PTP4A2: variants seen among roughly 807,000 people sequenced by gnomAD.
PTP4A2 encodes protein tyrosine phosphatase type IVA 2.
PTP4A2 carries 2 observed loss-of-function variants against 22.9 expected under a neutral mutation model. The ratio of observed to expected loss-of-function variants is 0.09; its 90% CI spans 0.04 to 0.27. PTP4A2 has a LOEUF of 0.27. PTP4A2 is among the 10% of genes least tolerant of loss of function. PTP4A2 has a pLI of 1.00. For synonymous variants in PTP4A2, 68 were observed against 69.1 expected, an observed-to-expected ratio of 0.98 and a Z score of 0.08; for missense variants, 103 against 205.1, an observed-to-expected ratio of 0.50 and a Z score of 3.04.
At chr1:31,915,718 T>A in intron 3 of PTP4A2, 177 bp downstream of exon 3, 1 of 445,060 alleles carries the variant, frequency 2.2e-6, no homozygotes, top group Admixed American at 4.2e-5. Flanking sequence ...TTTTTAATTA[T>A]CTGTACAGAT....
At chr1:31,912,602 CA>C (rs3835519) in intron 3 of PTP4A2, among the ~76,000 whole-genome samples, 5,319 of 152,218 alleles carry the variant, frequency 0.035, 168 homozygotes, top group East Asian at 0.14. Context: ...CACTACTTAG[CA>C]AGAGGTCCTA....
intron 3 of PTP4A2, 22 bp downstream of exon 3, chr1:31,915,873 A>C: frequency 6.7e-7 from 1 of 1,494,648 alleles, no homozygotes. Context: ...TGTTTTGAAA[A>C]ATTTAAATAC....
chr1:31,928,720 AT>A (rs1454790602), intron 1 of PTP4A2, among the ~76,000 whole-genome samples: 24 of 150,562 alleles, frequency 1.6e-4, no homozygotes, highest in African/African-American at 5.6e-4. Flanking sequence ...AAAAAAAAAA[AT>A]TTCATAGTTA....
rs923269481 is a variant in PTP4A2 at position 31,916,046 on chromosome 1, T to C, written c.97-59A>G. 6.6e-6 allele frequency: 8 copies of C among 1,214,094 alleles called. No individual in the cohort carries two copies. The Admixed American group carries it at 9.4e-5, about 14-fold the overall frequency. The allele number at this position is 1,214,094 out of a possible 1,614,324, so 75.2% of individuals were successfully genotyped here. ...TTTTTGAAACCTACAGCCAAAAATG[T>C]AGAAATGTACTATTATAGGCCGGGC... On this transcript the variant is annotated intron_variant, in intron 2 of 5. Transcript: ENST00000647444.
intron 1 of PTP4A2, among the ~76,000 whole-genome samples, chr1:31,922,210 C>T (rs757008537): frequency 2.0e-5 from 3 of 152,180 alleles, no homozygotes; most frequent in Non-Finnish European, 2.9e-5. Flanking sequence ...GTTGGCCGGG[C>T]GTGATGGCTC....
chr1:31,909,234 T>C (rs1651402969), intron 5 of PTP4A2, among the ~76,000 whole-genome samples: 1 of 152,194 alleles, frequency 6.6e-6, no homozygotes, highest in Non-Finnish European at 1.5e-5. Context: ...TTTCTTTTTT[T>C]AAAGGAAGGG....
intron 1 of PTP4A2, among the ~76,000 whole-genome samples, chr1:31,929,834 A>C (rs1379066891): frequency 6.6e-6 from 1 of 152,236 alleles, no homozygotes; most frequent in Non-Finnish European, 1.5e-5. Context: ...AAAATCCAAA[A>C]GAACACCTGG....
chr1:31,908,821 C>T lies in PTP4A2; in HGVS notation c.*31G>A. 1 of 1,508,736 alleles carries T rather than the reference C, an allele frequency of 6.6e-7. No individual in the cohort carries two copies. The allele number at this position is 1,508,736 out of a possible 1,614,324, so 93.5% of individuals were successfully genotyped here. A position where few individuals can be genotyped will look rare whatever the true frequency, so the allele number is the denominator to read the frequency against. ...TACCAAGAGTTCCCTCTAAATGGCA[C>T]AATCAAGTCAGCCTTCGTTTACATT... On this transcript the variant is annotated 3_prime_UTR_variant, in exon 6 of 6. Transcript: ENST00000647444.
At chr1:31,929,975 A>T (rs1436267022) in intron 1 of PTP4A2, among the ~76,000 whole-genome samples, 4 of 152,236 alleles carry the variant, frequency 2.6e-5, no homozygotes, top group Non-Finnish European at 5.9e-5. Flanking sequence ...ATCACCTTTC[A>T]AAATAACCTA....
At chr1:31,933,008 T>A (rs1045816737) in intron 1 of PTP4A2, 1 of 143,076 alleles carries the variant, frequency 7.0e-6, no homozygotes, top group African/African-American at 2.6e-5. Context: ...AGATTTTTTC[T>A]TTTTTTTTTT....
intron 1 of PTP4A2, among the ~76,000 whole-genome samples, chr1:31,926,836 G>A (rs1652488450): frequency 6.6e-6 from 1 of 152,052 alleles, no homozygotes; most frequent in African/African-American, 2.4e-5. Context: ...AGAGGGAGGG[G>A]GGTTCCAATT....
intron 3 of PTP4A2, chr1:31,912,934 T>C (rs1651616518): frequency 2.3e-6 from 1 of 426,246 alleles, no homozygotes; most frequent in African/African-American, 2.1e-5. Context: ...TGTGTTATTA[T>C]AAATGTCACT....
rs534953387 is a variant in PTP4A2 at position 31,934,456 on chromosome 1, T to G, written c.-594+3531A>C. Reference sequence around the variant, plus strand: ...CTAAAAATGTATGCACCTGCTCCTCTCCATCTTATTTGTAAATACATTCGT... The same window carrying G: ...CTAAAAATGTATGCACCTGCTCCTCGCCATCTTATTTGTAAATACATTCGT... On this transcript the variant is annotated intron_variant, in intron 1 of 5. Transcript: ENST00000647444. Among the ~76,000 whole-genome samples, 15 of 152,296 alleles carry G rather than the reference T, an allele frequency of 9.8e-5. 1 individual carries two copies. In the South Asian group the frequency reaches 3.1e-3, roughly 32 times the overall value.
Position 31,938,121 on chromosome 1 carries a change from C to T in PTP4A2, c.-728G>A, listed in dbSNP as rs1653032265. On this transcript the variant is annotated 5_prime_UTR_variant, in exon 1 of 6. Transcript: ENST00000647444. The surrounding 1 kb of genome is among the most constrained non-coding windows in gnomAD (Gnocchi z 4.4). ...GGCGGCGACGACTCCCCCCCAGCCT[C>T]GGCGCGCGACACCCGGCCCGGCCCG... 17 of 148,628 alleles carry T rather than the reference C, an allele frequency of 1.1e-4. 1 individual carries two copies. The South Asian group carries it at 3.0e-3, about 27-fold the overall frequency. 9.2% of individuals were successfully genotyped at this position (148,628 alleles called of 1,614,324 possible).
chr1:31,909,089 C>A, intron 5 of PTP4A2, 129 bp from the exon 6 acceptor site: 1 of 688,420 alleles, frequency 1.5e-6, no homozygotes, highest in Non-Finnish European at 2.5e-6. Context: ...TCCCATACTA[C>A]AACAATTCTT....
chr1:31,929,991 C>G (rs1234019487), intron 1 of PTP4A2, among the ~76,000 whole-genome samples: 1 of 152,178 alleles, frequency 6.6e-6, no homozygotes, highest in African/African-American at 2.4e-5. Context: ...ACCTACAGCA[C>G]AGGAGTAGCA....
At chr1:31,918,334 A>T (rs1007104785) in intron 2 of PTP4A2, among the ~76,000 whole-genome samples, 47 of 152,170 alleles carry the variant, frequency 3.1e-4, no homozygotes, top group African/African-American at 1.1e-3. Context: ...AATATTAAGG[A>T]TCTGACATAA....
intron 1 of PTP4A2, chr1:31,931,231 G>T (rs963746525): frequency 6.6e-6 from 1 of 152,232 alleles, no homozygotes; most frequent in African/African-American, 2.4e-5. Flanking sequence ...AAGTAAGCGT[G>T]AGAAGAATGG....
intron 1 of PTP4A2, among the ~76,000 whole-genome samples, chr1:31,937,145 G>A (rs1195030001): frequency 6.6e-6 from 1 of 152,152 alleles, no homozygotes. Flanking sequence ...TAGCTCTCAG[G>A]GGCCCCAGAC....
Sources: gnomAD v4.1 joint callset for allele counts (sites outside exome capture counted in the v4.1 genomes callset) on GRCh38, gnomAD v4.1.1 for gene constraint, Gnocchi (gnomAD v3.1) non-coding constraint, MANE v1.5 for transcripts, NCBI Gene and HGNC (gene_info 2026-07-23, HGNC 2026-07-21) for gene names.